Variants in ELF2 observed in about 807,000 individuals in gnomAD.
The protein encoded by ELF2 is ETS-related transcription factor Elf-2.
In ELF2, 11 loss-of-function variants were observed where a neutral mutation model predicts 54.8. The ratio of observed to expected loss-of-function variants is 0.20; its 90% CI spans 0.13 to 0.33. The LOEUF is 0.33. Ranked by LOEUF, ELF2 falls within the 10% of genes least tolerant of loss-of-function variation. The pLI is 1.00. For missense variants in ELF2, 513 were observed against 703.0 expected, an observed-to-expected ratio of 0.73 and a Z score of 3.06; for synonymous variants, 203 against 245.1, an observed-to-expected ratio of 0.83 and a Z score of 1.61.
chr4:139,084,085 C>CCT (rs1180776120), intron 4 of ELF2: 1 of 1,611,886 alleles, frequency 6.2e-7, no homozygotes, highest in South Asian at 1.1e-5. Context: ...CTGTGCACCC[C>CCT]CTCTCCTGCT....
In ELF2 at chr4:139,057,800, A is replaced by G. The variant is rs1283706778; in HGVS notation, c.*1183T>C. On this transcript the variant is annotated 3_prime_UTR_variant, in exon 10 of 10. Coordinates refer to ENST00000686138, the MANE Select transcript of ELF2 (RefSeq NM_001331036.3). ...GAGATGTTTTATCACTTCCTAACTAAAACACTTCTATACTGACTTTTAAAT... is the reference window on the plus strand; with the variant it reads ...GAGATGTTTTATCACTTCCTAACTAGAACACTTCTATACTGACTTTTAAAT... The G allele has an allele frequency of 2.0e-5, 3 of 152,576 alleles. No homozygotes were observed. Among genetic ancestry groups the G allele is most frequent in the Non-Finnish European group, 4.4e-5 (3 of 68,034 alleles). The allele number at this position is 152,576 out of a possible 1,614,324, so 9.5% of individuals were successfully genotyped here. A position where few individuals can be genotyped will look rare whatever the true frequency, so the allele number is the denominator to read the frequency against.
intron 4 of ELF2, among the ~76,000 whole-genome samples, chr4:139,080,340 G>C (rs1288230681): frequency 1.3e-5 from 2 of 152,054 alleles, no homozygotes; most frequent in African/African-American, 2.4e-5. Context: ...TCATTTTAAT[G>C]TATCTATTCA....
intron 3 of ELF2, among the ~76,000 whole-genome samples, chr4:139,132,965 C>T (rs1737695429): frequency 2.0e-5 from 3 of 150,858 alleles, no homozygotes; most frequent in African/African-American, 7.3e-5. Flanking sequence ...AATCTCTGCT[C>T]ACTGTAAGCT....
At chr4:139,132,736 C>A (rs1469297021) in intron 3 of ELF2, among the ~76,000 whole-genome samples, 1 of 151,258 alleles carries the variant, frequency 6.6e-6, no homozygotes, top group East Asian at 1.9e-4. Context: ...CCCTTCCTTT[C>A]CGTTCCATTA....
chr4:139,101,064 C>T (rs1733834608), intron 4 of ELF2, among the ~76,000 whole-genome samples: 1 of 152,200 alleles, frequency 6.6e-6, no homozygotes, highest in African/African-American at 2.4e-5. Context: ...TAAATGACTT[C>T]TCAACTAGAA....
chr4:139,084,458 G>A, intron 4 of ELF2: 2 of 1,152,792 alleles, frequency 1.7e-6, no homozygotes, highest in Non-Finnish European at 2.1e-6. Flanking sequence ...GGCGGCGGCG[G>A]CGGCTGTGGC....
Position 139,059,195 on chromosome 4 carries a change from G to A in ELF2, c.1570C>T (p.Arg524Ter). The A allele has an allele frequency of 3.1e-6, 5 of 1,613,890 alleles. No homozygotes were observed. The South Asian group carries it at 3.3e-5, about 11-fold the overall frequency. The change falls in exon 10 of 10, where the codon CGA (arginine) becomes TGA (stop). Residue 524 changes from arginine to a stop codon, truncating the protein, a stop_gained. Transcript: ENST00000686138. LOFTEE classifies it high-confidence loss of function. ...TQQASGQTPPRVISAVIKGPE... is the reference protein window; with the variant it reads ...TQQASGQTPP ...CCCTTTATGACTGCACTGATAACTC[G>A]AGGAGGAGTCTGGCCAGATGCCTGC...
intron 1 of ELF2, among the ~76,000 whole-genome samples, chr4:139,142,922 AT>A (rs1414350811): frequency 6.6e-6 from 1 of 152,166 alleles, no homozygotes; most frequent in Non-Finnish European, 1.5e-5. Context: ...AAAGGATGAC[AT>A]TTGCAAGCAA....
At chr4:139,156,239 G>A (rs1019508369) in intron 1 of ELF2, among the ~76,000 whole-genome samples, 4 of 151,616 alleles carry the variant, frequency 2.6e-5, no homozygotes, top group Admixed American at 6.6e-5. Flanking sequence ...GCAGTGGCGC[G>A]ATCTCAGCTC....
intron 3 of ELF2, among the ~76,000 whole-genome samples, chr4:139,132,755 C>T (rs1261441812): frequency 6.7e-6 from 1 of 149,518 alleles, no homozygotes; most frequent in Non-Finnish European, 1.5e-5. Context: ...TACATATTTA[C>T]CTAAGAGTCA....
At chr4:139,131,736 G>C (rs1737507120) in intron 3 of ELF2, among the ~76,000 whole-genome samples, 1 of 151,470 alleles carries the variant, frequency 6.6e-6, no homozygotes, top group Non-Finnish European at 1.5e-5. Context: ...AATAAATAAT[G>C]GTGCACTTGC....
At chr4:139,151,648 A>T (rs981501143) in intron 1 of ELF2, among the ~76,000 whole-genome samples, 1 of 152,228 alleles carries the variant, frequency 6.6e-6, no homozygotes, top group East Asian at 1.9e-4. Flanking sequence ...TGAATCAAGG[A>T]TTTAAAAGTA....
chr4:139,170,809 A>C (rs1742234881), intron 1 of ELF2, among the ~76,000 whole-genome samples: 1 of 151,120 alleles, frequency 6.6e-6, no homozygotes, highest in Non-Finnish European at 1.5e-5. Context: ...GCAGTGTTGC[A>C]ATCTCAGCTC....
chr4:139,151,068 G>GAAAGA (rs1553971376), intron 1 of ELF2, among the ~76,000 whole-genome samples: 6 of 134,468 alleles, frequency 4.5e-5, no homozygotes, highest in African/African-American at 1.5e-4. Flanking sequence ...AAGAAAGAAA[G>GAAAGA]AAAGAAAGAA....
intron 3 of ELF2, among the ~76,000 whole-genome samples, chr4:139,132,991 T>C (rs1242593834): frequency 6.6e-6 from 1 of 151,434 alleles, no homozygotes; most frequent in East Asian, 1.9e-4. Context: ...TCCCCCAATC[T>C]CGGCTCACTG....
At chr4:139,129,780 GC>G (rs1259009653) in intron 3 of ELF2, among the ~76,000 whole-genome samples, 1 of 152,090 alleles carries the variant, frequency 6.6e-6, no homozygotes, top group Non-Finnish European at 1.5e-5. Flanking sequence ...ACTTTAGAGG[GC>G]ACCTTTTCAC....
chr4:139,084,281 A>C (rs1258974196), intron 4 of ELF2: 1 of 1,602,386 alleles, frequency 6.2e-7, no homozygotes, highest in Non-Finnish European at 8.5e-7. Flanking sequence ...GGCCGGAGAC[A>C]CACGCCGTGC....
At chr4:139,079,561 C>G (rs1199408047) in intron 4 of ELF2, among the ~76,000 whole-genome samples, 1 of 152,190 alleles carries the variant, frequency 6.6e-6, no homozygotes. Context: ...CAAATTCTAT[C>G]CCCATGCTTA....
chr4:139,162,710 A>T (rs1043950265), intron 1 of ELF2, among the ~76,000 whole-genome samples: 1 of 152,166 alleles, frequency 6.6e-6, no homozygotes, highest in Non-Finnish European at 1.5e-5. Flanking sequence ...ACATAAATAC[A>T]TTTGTTCTTG....
Sources: gnomAD v4.1 joint callset for allele counts (sites outside exome capture counted in the v4.1 genomes callset) on GRCh38, gnomAD v4.1.1 for gene constraint, MANE v1.5 for transcripts, NCBI Gene and HGNC (gene_info 2026-07-23, HGNC 2026-07-21) for gene names.